The following ATP10D variants were observed in gnomAD, a reference collection of about 807,000 sequenced individuals.
ATP10D encodes the protein ATPase phospholipid transporting 10D (putative), also known as phospholipid-transporting ATPase VD.
Under a neutral mutation model 144.8 loss-of-function variants are expected in ATP10D, and 89 were observed. The ratio of observed to expected loss-of-function variants is 0.61; its 90% CI spans 0.52 to 0.73. ATP10D has a LOEUF of 0.73. Among genes scored for constraint, ATP10D ranks in the 30% least tolerant of loss-of-function variants. The pLI, the probability that ATP10D is intolerant of heterozygous loss-of-function variation, is 0.00. For synonymous variants in ATP10D, 571 were observed against 615.1 expected (o/e 0.93, Z 1.06); for missense variants, 1,603 against 1,714.8 (o/e 0.93, Z 1.15).
At position 47,491,343 on chromosome 4, in the gene ATP10D, C is replaced by G. The variant is rs1715070832; in HGVS notation, c.-38+5824C>G. On this transcript the variant is annotated intron_variant, in intron 1 of 22. Transcript: ENST00000273859. ...AACAGTACCCATTCCCTTGAAATCT[C>G]CAATATCACGTCTCTTATAGATTCA... is the stretch of plus-strand genomic sequence containing the variant. 6.5e-6 allele frequency: 5 copies of G among 770,038 alleles called. No homozygotes were observed. In the East Asian group the frequency reaches 1.2e-4, roughly 19 times the overall value. 47.7% of individuals were successfully genotyped at this position (770,038 alleles called of 1,614,324 possible). A position where few individuals can be genotyped will look rare whatever the true frequency, so the allele number is the denominator to read the frequency against.
intron 4 of ATP10D, among the ~76,000 whole-genome samples, chr4:47,524,177 C>T (rs10213210): frequency 5.3e-4 from 81 of 152,248 alleles, no homozygotes; most frequent in African/African-American, 1.8e-3. Flanking sequence ...CCATGTGCCT[C>T]GGCCTCCCAA....
chr4:47,576,585 C>T (rs540734908), intron 18 of ATP10D, among the ~76,000 whole-genome samples, 188 bp from the exon 19 acceptor site: 2 of 152,240 alleles, frequency 1.3e-5, no homozygotes, highest in East Asian at 1.9e-4. Context: ...TGTGTACATA[C>T]ATGTGTGCAC....
chr4:47,570,426 G>A (rs78241647), intron 16 of ATP10D, among the ~76,000 whole-genome samples: 4,530 of 152,254 alleles, frequency 0.03, 218 homozygotes, highest in African/African-American at 0.1. Flanking sequence ...TCTAAGCAGT[G>A]ATGTCAGGTA....
At chr4:47,488,698 A>T (rs1714908056) in intron 1 of ATP10D, among the ~76,000 whole-genome samples, 1 of 151,306 alleles carries the variant, frequency 6.6e-6, no homozygotes, top group Non-Finnish European at 1.5e-5. Flanking sequence ...AAGCAGTGCG[A>T]GATTGCTATG....
intron 1 of ATP10D, among the ~76,000 whole-genome samples, chr4:47,509,150 T>G (rs984604501): frequency 2.0e-5 from 3 of 152,228 alleles, no homozygotes; most frequent in Non-Finnish European, 4.4e-5. Context: ...CTTGTCCAAC[T>G]GCTGTCTTTC....
At position 47,562,756 on chromosome 4, in the gene ATP10D, C is replaced by T. The variant is rs1719388410; in HGVS notation, c.2669-825C>T. ...ACCTGCAATCATAGGCTTATCACAG[C>T]ACTGTTCACAATAGCAAAGTCACAG... On this transcript the variant is annotated intron_variant, in intron 14 of 22. Coordinates refer to ENST00000273859, the MANE Select transcript of ATP10D (RefSeq NM_020453.4). 3.3e-5 allele frequency among the ~76,000 whole-genome samples: 5 copies of T among 152,140 alleles called. No individual in the cohort carries two copies. The South Asian group carries it at 1.0e-3, about 32-fold the overall frequency.
chr4:47,572,895 C>T lies in ATP10D; in HGVS notation c.3264C>T (p.Ala1088=), dbSNP rs761055091. ...AGGCTGTGATGGCCAGTGACTTTGCCGTTTCTCAGTTCAAACATCTCAGCA... is the reference window on the plus strand; with the variant it reads ...AGGCTGTGATGGCCAGTGACTTTGCTGTTTCTCAGTTCAAACATCTCAGCA... ...GMQAVMASDF[A]VSQFKHLSKL... Residue 1088 remains alanine (A), a synonymous_variant, in exon 18 of 23, where the codon GCC becomes GCT. Transcript: ENST00000273859. 1.9e-5 allele frequency: 30 copies of T among 1,613,922 alleles called. No homozygotes were observed. In the African/African-American group the frequency reaches 2.0e-4, roughly 11 times the overall value.
intron 1 of ATP10D, among the ~76,000 whole-genome samples, chr4:47,507,069 C>T (rs1272163742): frequency 5.3e-5 from 8 of 152,068 alleles, no homozygotes; most frequent in Non-Finnish European, 1.2e-4. Context: ...CAGAGTGTGA[C>T]CAGGTGGTGC....
chr4:47,576,694 A>G, intron 18 of ATP10D, 79 bp from the exon 19 acceptor site: 3 of 1,402,184 alleles, frequency 2.1e-6, no homozygotes, highest in Non-Finnish European at 3.0e-6. Context: ...ACCCAGCTCA[A>G]AATGGCAGCA....
intron 9 of ATP10D, among the ~76,000 whole-genome samples, chr4:47,541,472 A>T (rs953962562): frequency 1.3e-5 from 2 of 152,174 alleles, no homozygotes; most frequent in African/African-American, 4.8e-5. Flanking sequence ...CTGGAATTGT[A>T]TGGGGAATTT....
intron 10 of ATP10D, among the ~76,000 whole-genome samples, chr4:47,548,705 G>A (rs1371566534): frequency 6.6e-6 from 1 of 152,118 alleles, no homozygotes; most frequent in Non-Finnish European, 1.5e-5. Flanking sequence ...TGTTGTCCTT[G>A]TTTTGTTTGT....
At chr4:47,496,161 T>TC (rs1195301237) in intron 1 of ATP10D, among the ~76,000 whole-genome samples, 4 of 90,642 alleles carry the variant, frequency 4.4e-5, no homozygotes, top group East Asian at 1.4e-3. Flanking sequence ...TTTTTCTTTT[T>TC]TTTTTTTTTT....
At chr4:47,516,588 G>T (rs1207743029) in intron 3 of ATP10D, among the ~76,000 whole-genome samples, 1 of 152,196 alleles carries the variant, frequency 6.6e-6, no homozygotes, top group Non-Finnish European at 1.5e-5. Context: ...CTCTGAAGAA[G>T]TGATATTTAA....
chr4:47,538,531 C>T (rs1717962315), intron 9 of ATP10D, among the ~76,000 whole-genome samples: 1 of 152,090 alleles, frequency 6.6e-6, no homozygotes, highest in South Asian at 2.1e-4. Flanking sequence ...TGGCTTAAAC[C>T]AACACAAATA....
At chr4:47,532,067 C>G (rs1560428261) in intron 5 of ATP10D, among the ~76,000 whole-genome samples, 1 of 152,206 alleles carries the variant, frequency 6.6e-6, no homozygotes, top group Non-Finnish European at 1.5e-5. Flanking sequence ...GTGTCTGAGA[C>G]TCCGGCTCTT....
chr4:47,509,712 T>C (rs559300017), intron 1 of ATP10D, among the ~76,000 whole-genome samples: 2 of 152,330 alleles, frequency 1.3e-5, no homozygotes, highest in African/African-American at 4.8e-5. Context: ...TTTGGGGTTG[T>C]GGATCTATTT....
chr4:47,568,795 A>G, intron 15 of ATP10D, 42 bp from the exon 16 acceptor site: 1 of 1,554,894 alleles, frequency 6.4e-7, no homozygotes, highest in Non-Finnish European at 8.7e-7. Flanking sequence ...TTCTGACACC[A>G]AGGGCGCCTG....
intron 9 of ATP10D, among the ~76,000 whole-genome samples, chr4:47,542,493 C>G (rs183246435): frequency 6.6e-6 from 1 of 152,066 alleles, no homozygotes; most frequent in Non-Finnish European, 1.5e-5. Flanking sequence ...GGTCTATTTC[C>G]TTTTTTGAGA....
intron 1 of ATP10D, among the ~76,000 whole-genome samples, chr4:47,505,579 C>CA (rs1057170354): frequency 9.2e-5 from 14 of 151,768 alleles, no homozygotes; most frequent in Non-Finnish European, 1.8e-4. Flanking sequence ...CAGGAAACAA[C>CA]AAAAAAATTA....
Sources: gnomAD v4.1 joint callset for allele counts (sites outside exome capture counted in the v4.1 genomes callset) on GRCh38, gnomAD v4.1.1 for gene constraint, MANE v1.5 for transcripts, NCBI Gene and HGNC (gene_info 2026-07-23, HGNC 2026-07-21) for gene names.